The following DOCK5 variants were observed in gnomAD, a reference collection of about 807,000 sequenced individuals.
DOCK5 encodes dedicator of cytokinesis protein 5.
In DOCK5, 142 loss-of-function variants were observed where a neutral mutation model predicts 251.8. The ratio of observed to expected loss-of-function variants is 0.56; its 90% CI spans 0.49 to 0.65. The LOEUF (loss-of-function observed/expected upper bound fraction) is 0.65. Ranked by LOEUF, DOCK5 falls within the 30% of genes least tolerant of loss-of-function variation. The probability of loss-of-function intolerance (pLI) is 0.00; values close to 1 mark genes in which losing one functional copy is unlikely to be tolerated. For missense variants in DOCK5, 2,111 were observed against 2,312.3 expected, an observed-to-expected ratio of 0.91 and a Z score of 1.79; for synonymous variants, 842 against 835.5, an observed-to-expected ratio of 1.01 and a Z score of -0.13.
intron 1 of DOCK5, among the ~76,000 whole-genome samples, chr8:25,189,541 T>G (rs1264001515): frequency 6.6e-6 from 1 of 152,090 alleles, no homozygotes. Flanking sequence ...TTGTATTTTT[T>G]GTAGGGATGG....
At position 25,317,203 on chromosome 8, in the gene DOCK5, A is replaced by G. The variant is rs149056846; in HGVS notation, c.1443+72A>G. 8.1e-3 allele frequency: 12,684 copies of G among 1,570,162 alleles called. 75 individuals carry two copies. Among genetic ancestry groups the G allele is most frequent in the Non-Finnish European group, 9.9e-3 (11,395 of 1,154,174 alleles). On this transcript the variant is annotated intron_variant, in intron 14 of 51. Transcript: ENST00000276440. ...ACAATCACGATAGAATCTTGGCCGT[A>G]TTTTAATTCTTCTTTGCATCAGGAT...
intron 22 of DOCK5, among the ~76,000 whole-genome samples, chr8:25,340,135 T>G (rs1454247660): frequency 6.6e-6 from 1 of 152,180 alleles, no homozygotes; most frequent in Non-Finnish European, 1.5e-5. Context: ...AGCAGGGAAA[T>G]CAAGCGAATT....
In DOCK5 at chr8:25,408,792, C is replaced by G; in HGVS notation, c.5266-10C>G. ...CGTGAAAATGTTTTGCTTTTTCTCT[C>G]TGGTCCTAGAGCCCAACCAGAAAAG... On this transcript the variant is annotated splice_polypyrimidine_tract_variant and intron_variant, in intron 49 of 51. Transcript: ENST00000276440. 3 of 1,613,764 alleles carry G rather than the reference C, an allele frequency of 1.9e-6. No individual in the cohort carries two copies. The highest frequency in any genetic ancestry group is 2.5e-6 in the Non-Finnish European group (3 of 1,179,764).
chr8:25,333,156 G>C (rs536439055), intron 20 of DOCK5, among the ~76,000 whole-genome samples: 1 of 152,212 alleles, frequency 6.6e-6, no homozygotes, highest in South Asian at 2.1e-4. Context: ...CCCATTGCAA[G>C]AATTGAAATC....
intron 27 of DOCK5, among the ~76,000 whole-genome samples, chr8:25,357,750 C>T (rs1041075720): frequency 1.3e-5 from 2 of 152,088 alleles, no homozygotes; most frequent in East Asian, 3.9e-4. Flanking sequence ...CATGGACAGT[C>T]TTTCATTGTT....
At chr8:25,335,446 C>T (rs994833330) in intron 21 of DOCK5, among the ~76,000 whole-genome samples, 9 of 151,860 alleles carry the variant, frequency 5.9e-5, no homozygotes, top group South Asian at 2.1e-4. Context: ...GCAGAGATCA[C>T]GCCACTGCAC....
chr8:25,200,758 A>G (rs1291292291), intron 1 of DOCK5, among the ~76,000 whole-genome samples: 1 of 152,192 alleles, frequency 6.6e-6, no homozygotes, highest in Non-Finnish European at 1.5e-5. Context: ...AACCAAATCC[A>G]ATATTTTACT....
chr8:25,221,650 T>G (rs1406656604), intron 1 of DOCK5, among the ~76,000 whole-genome samples: 2 of 152,184 alleles, frequency 1.3e-5, no homozygotes, highest in African/African-American at 4.8e-5. Flanking sequence ...CCTACCATCA[T>G]CATCATCTCC....
At chr8:25,215,124 C>A (rs1227219530) in intron 1 of DOCK5, among the ~76,000 whole-genome samples, 1 of 152,112 alleles carries the variant, frequency 6.6e-6, no homozygotes, top group African/African-American at 2.4e-5. Context: ...AGGGAGTCAT[C>A]CAGCCCCCGT....
intron 41 of DOCK5, 142 bp downstream of exon 41, chr8:25,389,374 T>C (rs1801218906): frequency 1.7e-6 from 2 of 1,156,110 alleles, no homozygotes; most frequent in South Asian, 3.6e-5. Flanking sequence ...TCCCATTCCA[T>C]GTAAAATCTT....
At chr8:25,331,112 GA>G (rs889034043) in intron 18 of DOCK5, among the ~76,000 whole-genome samples, 1 of 149,934 alleles carries the variant, frequency 6.7e-6, no homozygotes, top group African/African-American at 2.4e-5. Flanking sequence ...GTCTCTCAAA[GA>G]AAAAAAAAGT....
In DOCK5 at chr8:25,393,791, C is replaced by A. The variant is rs547700608; in HGVS notation, c.4527+909C>A. Among the ~76,000 whole-genome samples, 94 of 152,302 alleles carry A rather than the reference C, an allele frequency of 6.2e-4. 2 individuals are homozygous for A. The highest frequency in any genetic ancestry group is 6.8e-3 in the Middle Eastern group (2 of 294). On this transcript the variant is annotated intron_variant, in intron 44 of 51. Coordinates refer to ENST00000276440, the MANE Select transcript of DOCK5 (RefSeq NM_024940.8). ...TACCATGTTTACATGTCCTGAGACC[C>A]CGCTAACACCATCAGCTCCTCCAAG...
chr8:25,415,315 G>A lies in DOCK5; in HGVS notation c.*4017G>A, dbSNP rs2117359950. On this transcript the variant is annotated 3_prime_UTR_variant, in exon 52 of 52. Transcript: ENST00000276440. ...TTTAATAATTATGCTTTCCTTCTCT[G>A]TATCATTTGGGAAGTTGATAAATAT... is the stretch of plus-strand genomic sequence containing the variant. The A allele has an allele frequency of 6.6e-6, 1 of 152,238 alleles. No individual in the cohort carries two copies. Among genetic ancestry groups the A allele is most frequent in the Non-Finnish European group, 1.5e-5 (1 of 68,016 alleles). The allele number at this position is 152,238 out of a possible 1,614,324, so 9.4% of individuals were successfully genotyped here.
At chr8:25,384,074 A>G (rs926207648) in intron 40 of DOCK5, among the ~76,000 whole-genome samples, 9 of 152,238 alleles carry the variant, frequency 5.9e-5, no homozygotes, top group Non-Finnish European at 4.4e-5. Flanking sequence ...GTATCCACAC[A>G]ACAGAATACT....
intron 1 of DOCK5, among the ~76,000 whole-genome samples, chr8:25,189,483 G>A (rs933347724): frequency 3.3e-5 from 5 of 151,900 alleles, no homozygotes; most frequent in Non-Finnish European, 5.9e-5. Flanking sequence ...GCCTCAGCCC[G>A]CTGAGAGCTG....
At chr8:25,365,387 G>A (rs1213290268) in intron 30 of DOCK5, among the ~76,000 whole-genome samples, 1 of 152,194 alleles carries the variant, frequency 6.6e-6, no homozygotes, top group African/African-American at 2.4e-5. Flanking sequence ...TGTTATCAGT[G>A]GAGGTCCTTG....
intron 38 of DOCK5, among the ~76,000 whole-genome samples, chr8:25,378,855 G>A (rs6987109): frequency 0.19 from 28,911 of 152,120 alleles, 3,205 homozygotes; most frequent in African/African-American, 0.3. Flanking sequence ...AGTGTTGGCC[G>A]GCTGATAAAT....
chr8:25,355,145 G>A (rs1016686387), intron 27 of DOCK5, among the ~76,000 whole-genome samples: 1 of 152,122 alleles, frequency 6.6e-6, no homozygotes, highest in Non-Finnish European at 1.5e-5. Context: ...GAGGCAGGAG[G>A]CTTGCTTGAA....
intron 31 of DOCK5, among the ~76,000 whole-genome samples, chr8:25,367,708 T>C (rs951113688): frequency 6.6e-6 from 1 of 152,248 alleles, no homozygotes; most frequent in Non-Finnish European, 1.5e-5. Context: ...TTGTGGACAG[T>C]ATCACTCCCA....
Sources: allele counts gnomAD v4.1 joint callset (sites outside exome capture counted in the v4.1 genomes callset), GRCh38; gene constraint gnomAD v4.1.1; transcripts MANE v1.5; gene names NCBI Gene and HGNC (gene_info 2026-07-23, HGNC 2026-07-21).